DSCAM: variants seen among roughly 807,000 people sequenced by gnomAD.
The protein encoded by DSCAM is DS cell adhesion molecule.
In DSCAM, 47 loss-of-function variants were observed where a neutral mutation model predicts 217.7. The observed-to-expected ratio is 0.22, with a 90% CI of 0.17 to 0.28. DSCAM has a LOEUF of 0.28. Among genes scored for constraint, DSCAM ranks in the 10% least tolerant of loss-of-function variants. DSCAM has a pLI of 1.00. For synonymous variants in DSCAM, 1,056 were observed against 1,015.3 expected, an observed-to-expected ratio of 1.04 and a Z score of -0.76; for missense variants, 2,080 against 2,618.3, an observed-to-expected ratio of 0.79 and a Z score of 4.49.
At chr21:40,396,361 CA>C in intron 3 of DSCAM, among the ~76,000 whole-genome samples, 1 of 152,218 alleles carries the variant, frequency 6.6e-6, no homozygotes, top group East Asian at 1.9e-4. Context: ...AGGAATTAGC[CA>C]AATTCAGTTA....
Position 40,099,299 on chromosome 21 carries a change from C to T in DSCAM, c.3697-5425G>A, listed in dbSNP as rs114884550. On this transcript the variant is annotated intron_variant, in intron 20 of 32. Transcript: ENST00000400454. Reference sequence around the variant, plus strand: ...CAACAATAAAATATGACTTTTTATGCAACAAGATTTGTTTCATCATTTATA... The same window carrying T: ...CAACAATAAAATATGACTTTTTATGTAACAAGATTTGTTTCATCATTTATA... Among the ~76,000 whole-genome samples the T allele has an allele frequency of 8.8e-3, 1,344 of 152,192 alleles. 20 individuals are homozygous for T. The highest frequency in any genetic ancestry group is 0.031 in the African/African-American group (1,285 of 41,516).
intron 18 of DSCAM, among the ~76,000 whole-genome samples, chr21:40,138,571 G>A (rs908289913): frequency 6.9e-6 from 1 of 144,786 alleles, no homozygotes; most frequent in African/African-American, 2.6e-5. Context: ...GACATATACG[G>A]GGTGTGTGTG....
At position 40,351,196 on chromosome 21, in the gene DSCAM, T is replaced by A. The variant is rs765572819; in HGVS notation, c.934+2269A>T. ...ACAGGACAGAGGTTGAGAACAGAGC[T>A]GAGTAACTGTGAGATTCAGTTTGTA... On this transcript the variant is annotated intron_variant, in intron 5 of 32. Transcript: ENST00000400454. Among the ~76,000 whole-genome samples the A allele has an allele frequency of 6.7e-4, 102 of 152,106 alleles. 1 individual carries two copies. Among genetic ancestry groups the A allele is most frequent in the Admixed American group, 2.0e-4 (3 of 15,278 alleles).
chr21:40,509,184 C>T (rs62225537), intron 3 of DSCAM, among the ~76,000 whole-genome samples: 14,689 of 152,008 alleles, frequency 0.097, 782 homozygotes, highest in Middle Eastern at 0.16. Flanking sequence ...ACTTGTTACA[C>T]AAGCAAGGGA....
chr21:40,363,730 G>T (rs2074794507), intron 4 of DSCAM, among the ~76,000 whole-genome samples: 1 of 152,152 alleles, frequency 6.6e-6, no homozygotes, highest in Admixed American at 6.5e-5. Flanking sequence ...ACTACCATCA[G>T]AGTGAACAGG....
intron 1 of DSCAM, among the ~76,000 whole-genome samples, chr21:40,791,717 G>T (rs1040418359): frequency 6.6e-5 from 10 of 152,152 alleles, no homozygotes; most frequent in Non-Finnish European, 1.3e-4. Context: ...TCGAGACACA[G>T]TAAAATGCTT....
intron 3 of DSCAM, among the ~76,000 whole-genome samples, chr21:40,676,797 C>T (rs2090345074): frequency 6.6e-6 from 1 of 152,084 alleles, no homozygotes; most frequent in Non-Finnish European, 1.5e-5. Context: ...TTTGGCAATA[C>T]AGATTTTTTT....
chr21:40,772,983 C>T (rs938454709), intron 1 of DSCAM, among the ~76,000 whole-genome samples: 1 of 152,254 alleles, frequency 6.6e-6, no homozygotes, highest in African/African-American at 2.4e-5. Context: ...ACTGGCTGAC[C>T]TAGGGGTCAA....
chr21:40,503,794 T>A (rs1160968437), intron 3 of DSCAM, among the ~76,000 whole-genome samples: 1 of 152,226 alleles, frequency 6.6e-6, no homozygotes, highest in East Asian at 1.9e-4. Context: ...TTTGTTTGAT[T>A]TGGTTTTGGT....
chr21:40,295,302 T>C (rs1047370276), intron 10 of DSCAM, among the ~76,000 whole-genome samples: 13 of 152,132 alleles, frequency 8.5e-5, no homozygotes, highest in African/African-American at 2.9e-4. Flanking sequence ...ACTTCCAATA[T>C]GTTTGCAAGT....
chr21:40,144,695 C>CA lies in DSCAM; in HGVS notation c.3054dup (p.Gly1019TrpfsTer14). 1 of 1,614,132 alleles carries CA rather than the reference C, an allele frequency of 6.2e-7. No individual in the cohort carries two copies. Among genetic ancestry groups the CA allele is most frequent in the Non-Finnish European group, 8.5e-7 (1 of 1,180,016 alleles). ...TACTCTCGGTAACCTATTTGGTAGC[C>CA]ACGGATAATCCCATTTTGCAAATGT... On this transcript the variant is annotated frameshift_variant, in exon 17 of 33. Coordinates refer to ENST00000400454, the MANE Select transcript of DSCAM (RefSeq NM_001389.5). LOFTEE classifies it high-confidence loss of function. This position sits in a 1 kb window ranked among gnomAD's most constrained non-coding sequence, Gnocchi z 4.8.
In DSCAM at chr21:40,464,923, T is replaced by C. The variant is rs549192814; in HGVS notation, c.509-95678A>G. On this transcript the variant is annotated intron_variant, in intron 3 of 32. Coordinates refer to ENST00000400454, the MANE Select transcript of DSCAM (RefSeq NM_001389.5). ...GCCCAGCTAATTTTTGTATTTTTAG[T>C]AGAGATGAGGTTTCACCACGTTGGC... Among the ~76,000 whole-genome samples, 7 of 152,154 alleles carry C rather than the reference T, an allele frequency of 4.6e-5. 1 individual carries two copies. The South Asian group carries it at 1.5e-3, about 32-fold the overall frequency.
intron 10 of DSCAM, among the ~76,000 whole-genome samples, chr21:40,286,909 ATGATCTGCAGTATGATCCACGTTG>A (rs1210064437): frequency 6.9e-6 from 1 of 144,636 alleles, no homozygotes; most frequent in Non-Finnish European, 1.5e-5. Context: ...GATCTGAAGC[ATGATCTGCAGTATGATCCACGTTG>A]TGATCTGCAG....
At position 40,209,859 on chromosome 21, in the gene DSCAM, C is replaced by A. The variant is rs1247483311; in HGVS notation, c.2357-20621G>T. Among the ~76,000 whole-genome samples the A allele has an allele frequency of 2.0e-5, 3 of 152,192 alleles. No homozygotes were observed. The East Asian group carries it at 5.8e-4, about 29-fold the overall frequency. On this transcript the variant is annotated intron_variant, in intron 11 of 32. Coordinates refer to ENST00000400454, the MANE Select transcript of DSCAM (RefSeq NM_001389.5). ...TCTTCCTTTTCCACTCCAGTCTATCCTAGGGCTCTGCCAGACTCAGCTTCC... is the reference window on the plus strand; with the variant it reads ...TCTTCCTTTTCCACTCCAGTCTATCATAGGGCTCTGCCAGACTCAGCTTCC...
intron 3 of DSCAM, among the ~76,000 whole-genome samples, chr21:40,583,906 T>TTAA (rs72099864): frequency 3.6e-5 from 5 of 140,124 alleles, no homozygotes; most frequent in East Asian, 2.1e-4. Context: ...TAAAGTCTAT[T>TTAA]AAAAAAAAAA....
intron 3 of DSCAM, among the ~76,000 whole-genome samples, chr21:40,620,343 A>AAGAG (rs1196692110): frequency 7.4e-6 from 1 of 134,906 alleles, no homozygotes; most frequent in East Asian, 2.2e-4. Flanking sequence ...AAAAGAAAGA[A>AAGAG]AGAGAAAGAG....
chr21:40,587,604 T>C (rs467278), intron 3 of DSCAM, among the ~76,000 whole-genome samples: 48,944 of 152,116 alleles, frequency 0.32, 8,091 homozygotes, highest in East Asian at 0.48. Flanking sequence ...ATCTCTGTCA[T>C]TGAAATTTTA....
At chr21:40,454,401 A>T (rs2075746757) in intron 3 of DSCAM, among the ~76,000 whole-genome samples, 1 of 152,216 alleles carries the variant, frequency 6.6e-6, no homozygotes, top group Non-Finnish European at 1.5e-5. Context: ...TATCTGTGAA[A>T]GTTTTCTGTG....
intron 16 of DSCAM, among the ~76,000 whole-genome samples, chr21:40,158,509 G>T (rs1423789656): frequency 6.6e-6 from 1 of 152,160 alleles, no homozygotes; most frequent in Non-Finnish European, 1.5e-5. Flanking sequence ...CAGACCAAGG[G>T]CCCCTGTGAA....
Sources: gnomAD v4.1 joint callset for allele counts (sites outside exome capture counted in the v4.1 genomes callset) on GRCh38, gnomAD v4.1.1 for gene constraint, Gnocchi (gnomAD v3.1) non-coding constraint, MANE v1.5 for transcripts, NCBI Gene and HGNC (gene_info 2026-07-23, HGNC 2026-07-21) for gene names.